The following DPY19L3 variants were observed in gnomAD, a reference collection of about 807,000 sequenced individuals.
The protein encoded by DPY19L3 is dpy-19 like C-mannosyltransferase 3.
A neutral mutation model predicts 92.3 loss-of-function variants in DPY19L3; 51 were observed. The ratio of observed to expected loss-of-function variants is 0.55; its 90% CI spans 0.44 to 0.70. DPY19L3 has a LOEUF of 0.70. DPY19L3 is among the 30% of genes least tolerant of loss of function. The pLI, the probability that DPY19L3 is intolerant of heterozygous loss-of-function variation, is 0.00. For synonymous variants in DPY19L3, 309 were observed against 315.2 expected, an observed-to-expected ratio of 0.98 and a Z score of 0.21; for missense variants, 706 against 855.9, an observed-to-expected ratio of 0.82 and a Z score of 2.18.
At chr19:32,464,523 A>G (rs992239589) in intron 14 of DPY19L3, among the ~76,000 whole-genome samples, 1 of 152,080 alleles carries the variant, frequency 6.6e-6, no homozygotes, top group Admixed American at 6.6e-5. Context: ...TATATTTACA[A>G]AGCAAAACTG....
intron 10 of DPY19L3, among the ~76,000 whole-genome samples, chr19:32,457,781 T>C (rs1216135294): frequency 6.6e-6 from 1 of 152,228 alleles, no homozygotes; most frequent in Non-Finnish European, 1.5e-5. Context: ...TGAAAACTTA[T>C]GCACACTATG....
chr19:32,406,818 A>G (rs1967971406), intron 1 of DPY19L3, among the ~76,000 whole-genome samples: 1 of 152,132 alleles, frequency 6.6e-6, no homozygotes, highest in African/African-American at 2.4e-5. Context: ...GCCTTAACAT[A>G]TTAGAATATA....
At chr19:32,444,562 T>C (rs1969426620) in intron 8 of DPY19L3, among the ~76,000 whole-genome samples, 1 of 152,132 alleles carries the variant, frequency 6.6e-6, no homozygotes, top group African/African-American at 2.4e-5. Context: ...AGAAATACTT[T>C]CGGAAAAAAT....
At chr19:32,435,446 A>G (rs1377079104) in intron 4 of DPY19L3, among the ~76,000 whole-genome samples, 3 of 152,056 alleles carry the variant, frequency 2.0e-5, no homozygotes, top group Non-Finnish European at 4.4e-5. Flanking sequence ...GTCATTTTGT[A>G]TTTTTGCCAG....
At chr19:32,440,209 T>A (rs1969280260) in intron 8 of DPY19L3, among the ~76,000 whole-genome samples, 1 of 152,258 alleles carries the variant, frequency 6.6e-6, no homozygotes, top group African/African-American at 2.4e-5. Context: ...GATAGCTCTT[T>A]TAAAATGTCT....
In DPY19L3 at chr19:32,468,087, A is replaced by G. The variant is rs1970250306; in HGVS notation, c.1615-644A>G. 10 of 985,120 alleles carry G rather than the reference A, an allele frequency of 1.0e-5. No homozygotes were observed. The South Asian group carries it at 3.3e-4, about 32-fold the overall frequency. 61.0% of individuals were successfully genotyped at this position (985,120 alleles called of 1,614,324 possible). A position where few individuals can be genotyped will look rare whatever the true frequency, so the allele number is the denominator to read the frequency against. On this transcript the variant is annotated intron_variant, in intron 15 of 18. Transcript: ENST00000392250. Reference sequence around the variant, plus strand: ...ATACAATCATGCTATTTTGAAATGAAAAGGGGGCTGGATTTGGAGCCAGGG... The same window carrying G: ...ATACAATCATGCTATTTTGAAATGAGAAGGGGGCTGGATTTGGAGCCAGGG...
intron 10 of DPY19L3, 71 bp downstream of exon 10, chr19:32,455,111 CTTTCTTTTTCTTTT>C: frequency 9.7e-7 from 1 of 1,035,986 alleles, no homozygotes; most frequent in Admixed American, 2.9e-5. Flanking sequence ...ATTTTTGAAA[CTTTCTTTTTCTTTT>C]TTAATAAACT....
intron 6 of DPY19L3, 25 bp downstream of exon 6, chr19:32,437,364 T>C (rs772419236): frequency 3.2e-6 from 5 of 1,577,606 alleles, no homozygotes; most frequent in Non-Finnish European, 4.3e-6. Context: ...GTATGCTTCT[T>C]TTTTTTCCAA....
At chr19:32,444,890 C>G (rs761999542) in intron 8 of DPY19L3, among the ~76,000 whole-genome samples, 21 of 150,872 alleles carry the variant, frequency 1.4e-4, no homozygotes, top group African/African-American at 3.9e-4. Context: ...TGAGACCAGC[C>G]TGGGCAACAT....
chr19:32,479,057 A>G (rs1970596104), intron 17 of DPY19L3, among the ~76,000 whole-genome samples: 2 of 152,154 alleles, frequency 1.3e-5, no homozygotes, highest in South Asian at 4.1e-4. Flanking sequence ...TTTCAAACTC[A>G]TAAATGTTTC....
chr19:32,414,763 A>G (rs932854000), intron 3 of DPY19L3, among the ~76,000 whole-genome samples: 1 of 152,370 alleles, frequency 6.6e-6, no homozygotes, highest in Non-Finnish European at 1.5e-5. Context: ...AAGAGATCAT[A>G]TAACTTAATT....
chr19:32,407,266 C>CCT (rs961854724), intron 1 of DPY19L3, among the ~76,000 whole-genome samples: 1 of 117,690 alleles, frequency 8.5e-6, no homozygotes, highest in Non-Finnish European at 1.8e-5. Flanking sequence ...GCTCCTGCTC[C>CCT]CCCCCACCCA....
intron 3 of DPY19L3, among the ~76,000 whole-genome samples, chr19:32,431,687 A>C (rs906764012): frequency 6.6e-6 from 1 of 152,192 alleles, no homozygotes; most frequent in Non-Finnish European, 1.5e-5. Context: ...CATAGCCTGA[A>C]GGTGATTTTA....
At position 32,439,922 on chromosome 19, in the gene DPY19L3, T is replaced by C; in HGVS notation, c.855+12T>C. 1 of 1,610,918 alleles carries C rather than the reference T, an allele frequency of 6.2e-7. No homozygotes were observed. The highest frequency in any genetic ancestry group is 1.1e-5 in the South Asian group (1 of 90,084). ...TGCCAGCAGTGAAGGTGAGCTTTGCTTTCTTTTCTCACTTGAGATTTTGGC... is the reference window on the plus strand; with the variant it reads ...TGCCAGCAGTGAAGGTGAGCTTTGCCTTCTTTTCTCACTTGAGATTTTGGC... On this transcript the variant is annotated intron_variant, in intron 8 of 18. Coordinates refer to ENST00000392250, the MANE Select transcript of DPY19L3 (RefSeq NM_001172774.2).
intron 2 of DPY19L3, among the ~76,000 whole-genome samples, chr19:32,410,796 T>C (rs574564522): frequency 6.6e-6 from 1 of 152,090 alleles, no homozygotes. Flanking sequence ...AAACAATAAT[T>C]ATTTTTTAGG....
chr19:32,469,132 C>A (rs1427903234), intron 16 of DPY19L3: 1 of 174,556 alleles, frequency 5.7e-6, no homozygotes, highest in African/African-American at 2.4e-5. Context: ...AATTTGATGT[C>A]TCTGCCAATT....
Position 32,439,891 on chromosome 19 carries a change from A to T in DPY19L3, c.836A>T (p.Asp279Val). 1.2e-6 allele frequency: 2 copies of T among 1,613,386 alleles called. No individual in the cohort carries two copies. The highest frequency in any genetic ancestry group is 1.7e-6 in the Non-Finnish European group (2 of 1,179,702). ...GTGCTGTTCACACTGGACTCCCTGGACATGCTGCCAGCAGTGAAGGTGAGC... is the reference window on the plus strand; with the variant it reads ...GTGCTGTTCACACTGGACTCCCTGGTCATGCTGCCAGCAGTGAAGGTGAGC... ...ALVLFTLDSL[D>V]MLPAVKATWL... Residue 279 changes from aspartate (D) to valine (V), a missense_variant, in exon 8 of 19, where the codon GAC becomes GTC. Coordinates refer to ENST00000392250, the MANE Select transcript of DPY19L3 (RefSeq NM_001172774.2).
chr19:32,417,302 G>A (rs538517522), intron 3 of DPY19L3, among the ~76,000 whole-genome samples: 3 of 152,124 alleles, frequency 2.0e-5, no homozygotes, highest in Non-Finnish European at 1.5e-5. Context: ...ATAGTGTCAC[G>A]AGATCTGATG....
intron 3 of DPY19L3, 82 bp downstream of exon 3, chr19:32,411,454 C>T (rs755369779): frequency 1.4e-6 from 2 of 1,478,502 alleles, no homozygotes. Flanking sequence ...ACCAAGGCAA[C>T]ACAGTTTTGC....
Sources: allele counts gnomAD v4.1 joint callset (sites outside exome capture counted in the v4.1 genomes callset), GRCh38; gene constraint gnomAD v4.1.1; transcripts MANE v1.5; gene names NCBI Gene and HGNC (gene_info 2026-07-23, HGNC 2026-07-21).